Variants in CNTN4 observed in about 807,000 individuals in gnomAD.
CNTN4 encodes the protein contactin-4.
CNTN4 carries 77 observed loss-of-function variants against 122.5 expected under a neutral mutation model. That is an observed-to-expected ratio of 0.63 (90% CI 0.52 to 0.76). The LOEUF (loss-of-function observed/expected upper bound fraction) is 0.76. Ranked by LOEUF, CNTN4 falls within the 30% of genes least tolerant of loss-of-function variation. The pLI, the probability that CNTN4 is intolerant of heterozygous loss-of-function variation, is 0.00. For missense variants in CNTN4, 1,256 were observed against 1,259.1 expected (o/e 1.00, Z 0.04); for synonymous variants, 512 against 447.0 (o/e 1.15, Z -1.83).
chr3:2,902,248 T>C (rs1199497370), intron 11 of CNTN4, among the ~76,000 whole-genome samples: 1 of 152,030 alleles, frequency 6.6e-6, no homozygotes, highest in Non-Finnish European at 1.5e-5. Flanking sequence ...ATCCTCAGAG[T>C]GACAAATAAG....
intron 2 of CNTN4, among the ~76,000 whole-genome samples, chr3:2,174,087 G>A (rs1228899237): frequency 6.6e-6 from 1 of 152,098 alleles, no homozygotes; most frequent in Non-Finnish European, 1.5e-5. Context: ...CTTGTTTGGT[G>A]AGTAGTTGAA....
intron 4 of CNTN4, among the ~76,000 whole-genome samples, chr3:2,668,201 A>G (rs936992710): frequency 4.6e-5 from 7 of 152,224 alleles, no homozygotes; most frequent in African/African-American, 1.7e-4. Context: ...CATTTTCACA[A>G]TATTGATTCT....
At chr3:2,481,183 C>G (rs1165080212) in intron 3 of CNTN4, among the ~76,000 whole-genome samples, 1 of 151,332 alleles carries the variant, frequency 6.6e-6, no homozygotes, top group Non-Finnish European at 1.5e-5. Flanking sequence ...CTCTGTCACC[C>G]AGGCTGGAGT....
intron 8 of CNTN4, 31 bp downstream of exon 8, chr3:2,866,980 T>C: frequency 6.3e-7 from 1 of 1,581,762 alleles, no homozygotes; most frequent in East Asian, 2.2e-5. Flanking sequence ...GTTAATTTTG[T>C]TTCTGCAATC....
intron 3 of CNTN4, among the ~76,000 whole-genome samples, chr3:2,364,915 A>T (rs1455758667): frequency 6.6e-6 from 1 of 152,190 alleles, no homozygotes; most frequent in Admixed American, 6.5e-5. Context: ...AGTCCACAAG[A>T]TAATATTAAT....
intron 14 of CNTN4, among the ~76,000 whole-genome samples, chr3:3,014,879 G>GTTTTTTTTT (rs5846238): frequency 7.4e-5 from 9 of 121,544 alleles, no homozygotes; most frequent in Non-Finnish European, 1.0e-4. Flanking sequence ...CCCTCGATTG[G>GTTTTTTTTT]TTTTTTTTTT....
At chr3:2,608,173 A>G (rs2081337371) in intron 4 of CNTN4, among the ~76,000 whole-genome samples, 3 of 152,228 alleles carry the variant, frequency 2.0e-5, no homozygotes, top group Admixed American at 1.3e-4. Flanking sequence ...TGATCTACTG[A>G]TACAGTTGTT....
chr3:2,841,438 A>G lies in CNTN4; in HGVS notation c.454+21857A>G, dbSNP rs906968401. On this transcript the variant is annotated intron_variant, in intron 7 of 24. Transcript: ENST00000418658. The surrounding 1 kb of genome is among the most constrained non-coding windows in gnomAD (Gnocchi z 4.8). Reference sequence around the variant, plus strand: ...GTACATTTACAAATAAAAGAGGATTAGGATTATTTTCATTTTAATATTCCC... The same window carrying G: ...GTACATTTACAAATAAAAGAGGATTGGGATTATTTTCATTTTAATATTCCC... Among the ~76,000 whole-genome samples, 3 of 152,222 alleles carry G rather than the reference A, an allele frequency of 2.0e-5. No homozygotes were observed. The highest frequency in any genetic ancestry group is 7.2e-5 in the African/African-American group (3 of 41,452).
In CNTN4 at chr3:2,704,340, C is replaced by G. The variant is rs190497806; in HGVS notation, c.56-31875C>G. ...AAAAAAAGTTGATCTGGAACACATG[C>G]CCTCTTATACATAATACCATTTCAA... On this transcript the variant is annotated intron_variant, in intron 4 of 24. Transcript: ENST00000418658. Among the ~76,000 whole-genome samples, 9 of 150,358 alleles carry G rather than the reference C, an allele frequency of 6.0e-5. No individual in the cohort carries two copies. The East Asian group carries it at 1.4e-3, about 23-fold the overall frequency.
chr3:2,336,035 G>A (rs1334165618), intron 2 of CNTN4, among the ~76,000 whole-genome samples: 2 of 152,180 alleles, frequency 1.3e-5, no homozygotes, highest in Non-Finnish European at 2.9e-5. Flanking sequence ...AGGTATGTGT[G>A]TTTTGGGGTA....
chr3:2,217,060 C>T (rs1455007675), intron 2 of CNTN4, among the ~76,000 whole-genome samples: 1 of 152,132 alleles, frequency 6.6e-6, no homozygotes, highest in Non-Finnish European at 1.5e-5. Context: ...CTTTAGGATC[C>T]TACATGAAAT....
rs533887975 is a variant in CNTN4, at chr3:2,919,083, C to A, written c.1208-6546C>A. 3.8e-4 allele frequency among the ~76,000 whole-genome samples: 58 copies of A among 152,072 alleles called. No homozygotes were observed. In the East Asian group the frequency reaches 0.01, roughly 27 times the overall value. ...TTTTGGCTGGTCATGGTGGCTTACG[C>A]CTATAATCCCAGCACTTTGGGAGGC... is the stretch of plus-strand genomic sequence containing the variant. On this transcript the variant is annotated intron_variant, in intron 12 of 24. Coordinates refer to ENST00000418658, the MANE Select transcript of CNTN4 (RefSeq NM_175607.3).
rs1430191082 is a variant in CNTN4, at chr3:2,706,002, AAAT to A, written c.56-30210_56-30208del. On this transcript the variant is annotated intron_variant, in intron 4 of 24. Transcript: ENST00000418658. ...TATAAAATATAAAATAAATATATAA[AAAT>A]AAATATATATAAATATACATATTTA... Among the ~76,000 whole-genome samples, 4 of 139,388 alleles carry A rather than the reference AAAT, an allele frequency of 2.9e-5. No homozygotes were observed. In the East Asian group the frequency reaches 8.0e-4, roughly 28 times the overall value. The allele number at this position is 139,388 out of a possible 152,430, so 91.4% of individuals were successfully genotyped here.
intron 2 of CNTN4, among the ~76,000 whole-genome samples, chr3:2,248,958 C>T (rs531939346): frequency 1.3e-5 from 2 of 151,926 alleles, no homozygotes; most frequent in East Asian, 3.9e-4. Context: ...CCTCCAAACG[C>T]ATAAGGAGTT....
chr3:2,236,149 A>T (rs2039674047), intron 2 of CNTN4, among the ~76,000 whole-genome samples: 1 of 152,226 alleles, frequency 6.6e-6, no homozygotes, highest in Non-Finnish European at 1.5e-5. Context: ...AATCATAATC[A>T]TTATGAAGTT....
intron 3 of CNTN4, among the ~76,000 whole-genome samples, chr3:2,343,527 A>G (rs993220673): frequency 6.6e-6 from 1 of 152,196 alleles, no homozygotes; most frequent in African/African-American, 2.4e-5. Context: ...TAGTGTAACT[A>G]AGTAACCAGT....
intron 4 of CNTN4, among the ~76,000 whole-genome samples, chr3:2,607,609 T>C (rs139769162): frequency 4.8e-4 from 5 of 10,526 alleles, no homozygotes; most frequent in South Asian, 7.2e-3. Context: ...TACATATGCA[T>C]CCACACACAC....
intron 13 of CNTN4, among the ~76,000 whole-genome samples, chr3:2,959,065 G>A (rs1016463015): frequency 1.6e-4 from 24 of 152,146 alleles, no homozygotes; most frequent in African/African-American, 5.6e-4. Flanking sequence ...TGAAAGCAAA[G>A]CTCTCAGTGT....
intron 2 of CNTN4, among the ~76,000 whole-genome samples, chr3:2,185,318 A>G (rs1269924108): frequency 1.3e-5 from 2 of 152,152 alleles, no homozygotes; most frequent in Non-Finnish European, 2.9e-5. Context: ...TTTGCAGGAA[A>G]GTGCTTTCCC....
Sources: gnomAD v4.1 joint callset for allele counts (sites outside exome capture counted in the v4.1 genomes callset) on GRCh38, gnomAD v4.1.1 for gene constraint, Gnocchi (gnomAD v3.1) non-coding constraint, MANE v1.5 for transcripts, NCBI Gene and HGNC (gene_info 2026-07-23, HGNC 2026-07-21) for gene names.